Variants in IGF2 observed in about 807,000 individuals in gnomAD.
IGF2 encodes insulin-like growth factor 2.
Under a neutral mutation model 12.0 loss-of-function variants are expected in IGF2, and 2 were observed. The observed-to-expected ratio is 0.17, with a 90% CI of 0.07 to 0.52. The LOEUF (loss-of-function observed/expected upper bound fraction) is 0.52, where lower values mean the gene tolerates loss of function less well. IGF2 is among the 20% of genes least tolerant of loss of function. The pLI, the probability that IGF2 is intolerant of heterozygous loss-of-function variation, is 0.95. For missense variants in IGF2, 211 were observed against 268.0 expected, an observed-to-expected ratio of 0.79 and a Z score of 1.48; for synonymous variants, 105 against 110.1, an observed-to-expected ratio of 0.95 and a Z score of 0.29.
intron 1 of IGF2, among the ~76,000 whole-genome samples, chr11:2,136,146 G>A (rs1441809572): frequency 6.6e-6 from 1 of 152,188 alleles, no homozygotes; most frequent in African/African-American, 2.4e-5. Context: ...CTGCAGCTGA[G>A]CCAGGCCTGG....
chr11:2,146,153 G>A (rs2133636919), upstream of IGF2: 1 of 491,384 alleles, frequency 2.0e-6, no homozygotes, highest in Middle Eastern at 3.4e-4. Flanking sequence ...CATGGAGCCT[G>A]GCCCATGCCC....
chr11:2,138,388 T>TC lies in IGF2; in HGVS notation c.-167_-166insG. 2 of 128,482 alleles carry TC rather than the reference T, an allele frequency of 1.6e-5. No homozygotes were observed. Among genetic ancestry groups the TC allele is most frequent in the Non-Finnish European group, 2.1e-5 (2 of 93,414 alleles). 8.0% of individuals were successfully genotyped at this position (128,482 alleles called of 1,614,324 possible). ...GCAGAGCGGGGGGATGGCTTTTTTT[T>TC]GGGGGGGGGGGGAGAATTCGTCTGA... On this transcript the variant is annotated 5_prime_UTR_variant, in exon 1 of 4. Coordinates refer to ENST00000416167, the MANE Select transcript of IGF2 (RefSeq NM_000612.6).
Position 2,131,822 on chromosome 11 carries a change from G to T in IGF2, c.*1165C>A, listed in dbSNP as rs201271948. The T allele has an allele frequency of 5.2e-6, 1 of 193,670 alleles. No individual in the cohort carries two copies. The highest frequency in any genetic ancestry group is 1.0e-5 in the Non-Finnish European group (1 of 97,208). 12.0% of individuals were successfully genotyped at this position (193,670 alleles called of 1,614,324 possible). On this transcript the variant is annotated 3_prime_UTR_variant, in exon 4 of 4. Coordinates refer to ENST00000416167, the MANE Select transcript of IGF2 (RefSeq NM_000612.6). ...GTGTGCTGTGTGTGCATGTGTGTGC[G>T]TGTGCTGTGCGTTTGTGTGCTGTGT...
rs950089530 is a variant in IGF2, at chr11:2,129,435, G to A, written c.*3552C>T. 1.3e-5 allele frequency: 3 copies of A among 229,896 alleles called. No individual in the cohort carries two copies. Among genetic ancestry groups the A allele is most frequent in the African/African-American group, 6.6e-5 (3 of 45,128 alleles). 14.2% of individuals were successfully genotyped at this position (229,896 alleles called of 1,614,324 possible). A position where few individuals can be genotyped will look rare whatever the true frequency, so the allele number is the denominator to read the frequency against. On this transcript the variant is annotated 3_prime_UTR_variant, in exon 4 of 4. Transcript: ENST00000416167. The surrounding 1 kb of genome is among the most constrained non-coding windows in gnomAD (Gnocchi z 8.1). ...CGGGCCAGGATGGTTAGTGGCCCAG[G>A]GGAGAGCTGCAAACCTGGGGACGCA...
rs1341129375 is a variant in IGF2 at position 2,131,646 on chromosome 11, G to A, written c.*1341C>T. The A allele has an allele frequency of 3.8e-5, 8 of 212,208 alleles. No homozygotes were observed. The highest frequency in any genetic ancestry group is 6.5e-5 in the Non-Finnish European group (7 of 107,866). 13.1% of individuals were successfully genotyped at this position (212,208 alleles called of 1,614,324 possible). A position where few individuals can be genotyped will look rare whatever the true frequency, so the allele number is the denominator to read the frequency against. ...TGTGTGTGCTGTGTGCTGTGTTCAT[G>A]TGTGTGCTGTGTGTGCGTGTGCTGT... On this transcript the variant is annotated 3_prime_UTR_variant, in exon 4 of 4. Transcript: ENST00000416167.
rs1858672805 is a variant in IGF2 at position 2,132,494 on chromosome 11, T to C, written c.*493A>G. On this transcript the variant is annotated 3_prime_UTR_variant, in exon 4 of 4. Coordinates refer to ENST00000416167, the MANE Select transcript of IGF2 (RefSeq NM_000612.6). ...AGAAGAGAAAGAGGGGGGTGGGGAG[T>C]GCCAAATTCCTTTATTTTGCCAATT... is the stretch of plus-strand genomic sequence containing the variant. 5.0e-6 allele frequency: 1 copy of C among 198,728 alleles called. No homozygotes were observed. Among genetic ancestry groups the C allele is most frequent in the East Asian group, 7.6e-5 (1 of 13,202 alleles). 12.3% of individuals were successfully genotyped at this position (198,728 alleles called of 1,614,324 possible). A position where few individuals can be genotyped will look rare whatever the true frequency, so the allele number is the denominator to read the frequency against.
chr11:2,147,465 G>T, the IGF2 span: 2 of 485,462 alleles, frequency 4.1e-6, no homozygotes, highest in East Asian at 7.0e-5. The surrounding 1 kb of genome is among the most constrained non-coding windows in gnomAD (Gnocchi z 7.2). Context: ...CAGCCTCTCT[G>T]AGCCAAAGCT....
chr11:2,146,328 CA>C, the IGF2 span: 1 of 536,112 alleles, frequency 1.9e-6, no homozygotes, highest in South Asian at 1.4e-5. Context: ...CAAGGGTCCT[CA>C]GAGCGCCCCT....
upstream of IGF2, among the ~76,000 whole-genome samples, chr11:2,144,255 G>C (rs1859776864): frequency 6.6e-6 from 1 of 152,138 alleles, no homozygotes; most frequent in Non-Finnish European, 1.5e-5. Context: ...CGGTCCCCGC[G>C]TGGGAGGTCC....
chr11:2,146,361 C>T, the IGF2 span: 3 of 535,370 alleles, frequency 5.6e-6, no homozygotes, highest in African/African-American at 1.9e-5. Context: ...TGCAGGGCGC[C>T]GCAGACGAGG....
At chr11:2,149,335 C>G in the IGF2 span, 1 of 1,611,602 alleles carries the variant, frequency 6.2e-7, no homozygotes. Flanking sequence ...AGGAGAGGGA[C>G]AAAGCTGAGG....
At chr11:2,134,503 C>A (rs1241081029) in intron 2 of IGF2, among the ~76,000 whole-genome samples, 1 of 152,248 alleles carries the variant, frequency 6.6e-6, no homozygotes, top group Admixed American at 6.5e-5. Context: ...CAGAGTCAAG[C>A]AGCAGGAACT....
chr11:2,143,885 A>G (rs1323301000), upstream of IGF2, among the ~76,000 whole-genome samples: 3 of 152,180 alleles, frequency 2.0e-5, no homozygotes, highest in Non-Finnish European at 4.4e-5. Flanking sequence ...ATCAAGGGCT[A>G]ATTGTTGAGC....
At chr11:2,147,929 G>T in the IGF2 span, 1 of 663,824 alleles carries the variant, frequency 1.5e-6, no homozygotes, top group Non-Finnish European at 2.1e-6. The surrounding 1 kb of genome is among the most constrained non-coding windows in gnomAD (Gnocchi z 7.2). Flanking sequence ...AGGTCACCTT[G>T]TCAGGATCTG....
intron 2 of IGF2, among the ~76,000 whole-genome samples, chr11:2,134,596 C>T (rs764948598): frequency 1.3e-5 from 2 of 152,218 alleles, no homozygotes; most frequent in Admixed American, 6.5e-5. Context: ...AAAGATGTCA[C>T]GTGGTGAGTG....
chr11:2,143,384 C>A (rs1265692429), upstream of IGF2, among the ~76,000 whole-genome samples: 2 of 151,782 alleles, frequency 1.3e-5, no homozygotes, highest in Non-Finnish European at 2.9e-5. Context: ...ATGGGGCGGA[C>A]GTGTGCCGGA....
At position 2,129,322 on chromosome 11, in the gene IGF2, G is replaced by A. The variant is rs1049926; in HGVS notation, c.*3665C>T. ...GGTGATGGCAGAGGAGGGGACCCAA[G>A]AGGGGGCCCCCCACTGAAGACATTG... On this transcript the variant is annotated 3_prime_UTR_variant, in exon 4 of 4. Coordinates refer to ENST00000416167, the MANE Select transcript of IGF2 (RefSeq NM_000612.6). The surrounding 1 kb of genome is among the most constrained non-coding windows in gnomAD (Gnocchi z 8.1). The A allele has an allele frequency of 9.2e-6, 2 of 218,372 alleles. No individual in the cohort carries two copies. The highest frequency in any genetic ancestry group is 4.5e-5 in the African/African-American group (2 of 44,528). 13.5% of individuals were successfully genotyped at this position (218,372 alleles called of 1,614,324 possible).
chr11:2,146,338 C>G, the IGF2 span: 3 of 535,880 alleles, frequency 5.6e-6, no homozygotes, highest in Non-Finnish European at 1.1e-5. Context: ...CAGAGCGCCC[C>G]TCCGTCACCC....
Position 2,133,570 on chromosome 11 carries a change from C to A in IGF2, c.253G>T (p.Ala85Ser). 1 of 1,613,026 alleles carries A rather than the reference C, an allele frequency of 6.2e-7. No individual in the cohort carries two copies. Among genetic ancestry groups the A allele is most frequent in the Non-Finnish European group, 8.5e-7 (1 of 1,179,984 alleles). The change falls in exon 3 of 4, where the codon GCT becomes TCT. Residue 85 changes from alanine (A) to serine (S), a missense_variant. Ala to Ser is a moderately conservative substitution (Grantham distance 99, BLOSUM62 1). Coordinates refer to ENST00000416167, the MANE Select transcript of IGF2 (RefSeq NM_000612.6). The surrounding 1 kb of genome is among the most constrained non-coding windows in gnomAD (Gnocchi z 8.9). Reference protein sequence around the residue: ...CDLALLETYCATPAKSERDVS... With the variant: ...CDLALLETYCSTPAKSERDVS... ...TCCCTCTCGGACTTGGCGGGGGTAG[C>A]ACAGTACGTCTCCAGGAGGGCCAGG...
Sources: gnomAD v4.1 joint callset for allele counts (sites outside exome capture counted in the v4.1 genomes callset) on GRCh38, gnomAD v4.1.1 for gene constraint, Gnocchi (gnomAD v3.1) non-coding constraint, MANE v1.5 for transcripts, NCBI Gene and HGNC (gene_info 2026-07-23, HGNC 2026-07-21) for gene names.